Variants in NDUFAF2 observed in about 807,000 individuals in gnomAD.
NDUFAF2 encodes the protein NADH:ubiquinone oxidoreductase complex assembly factor 2.
Under a neutral mutation model 22.8 loss-of-function variants are expected in NDUFAF2, and 13 were observed. The observed-to-expected ratio is 0.57, with a 90% CI of 0.37 to 0.91. The LOEUF (loss-of-function observed/expected upper bound fraction) is 0.91, where lower values mean the gene tolerates loss of function less well. Among genes scored for constraint, NDUFAF2 ranks in the 40% least tolerant of loss-of-function variants. NDUFAF2 has a pLI of 0.01. For synonymous variants in NDUFAF2, 53 were observed against 64.2 expected (o/e 0.83, Z 0.84); for missense variants, 162 against 195.2 (o/e 0.83, Z 1.01).
chr5:61,028,394 A>G (rs1224086086), intron 1 of NDUFAF2, among the ~76,000 whole-genome samples: 2 of 152,076 alleles, frequency 1.3e-5, no homozygotes, highest in African/African-American at 4.8e-5. Flanking sequence ...ATATTCATAT[A>G]CAGATACAAA....
chr5:61,097,797 T>G (rs994936616), intron 2 of NDUFAF2, among the ~76,000 whole-genome samples: 1 of 152,214 alleles, frequency 6.6e-6, no homozygotes, highest in Non-Finnish European at 1.5e-5. Flanking sequence ...TTCATAAACT[T>G]TGAAAGACTG....
chr5:61,068,902 G>A (rs980643064), intron 1 of NDUFAF2, among the ~76,000 whole-genome samples: 19 of 152,124 alleles, frequency 1.2e-4, no homozygotes, highest in Non-Finnish European at 1.8e-4. Flanking sequence ...AGGATCTGGA[G>A]TCAAAAGACC....
intron 1 of NDUFAF2, among the ~76,000 whole-genome samples, chr5:60,999,765 T>A (rs1751274081): frequency 1.3e-5 from 2 of 152,096 alleles, no homozygotes; most frequent in Admixed American, 6.6e-5. Flanking sequence ...GTAGGATGAA[T>A]GCTGTCAATA....
At chr5:61,138,430 G>A (rs1178420194) in intron 3 of NDUFAF2, among the ~76,000 whole-genome samples, 4 of 152,190 alleles carry the variant, frequency 2.6e-5, no homozygotes, top group Non-Finnish European at 5.9e-5. Flanking sequence ...CGTAAGGGAA[G>A]GTGATTTAGC....
At chr5:60,960,818 A>G (rs1206223630) in intron 1 of NDUFAF2, among the ~76,000 whole-genome samples, 1 of 152,086 alleles carries the variant, frequency 6.6e-6, no homozygotes, top group Non-Finnish European at 1.5e-5. Context: ...TGGTGCCTCC[A>G]TCTTGTGGTC....
intron 1 of NDUFAF2, among the ~76,000 whole-genome samples, chr5:60,949,657 G>A (rs906340914): frequency 1.3e-4 from 20 of 152,292 alleles, no homozygotes; most frequent in African/African-American, 4.8e-4. Flanking sequence ...TGCTACTCAA[G>A]AGAGACAAAT....
At chr5:61,135,957 G>A (rs1740923036) in intron 3 of NDUFAF2, among the ~76,000 whole-genome samples, 1 of 141,486 alleles carries the variant, frequency 7.1e-6, no homozygotes, top group African/African-American at 2.7e-5. Flanking sequence ...TTTACAGTGT[G>A]GCACTTCAAC....
chr5:61,103,389 TC>T lies in NDUFAF2; in HGVS notation c.258+4358del, dbSNP rs547353629. 1.7e-4 allele frequency among the ~76,000 whole-genome samples: 26 copies of T among 152,216 alleles called. No individual in the cohort carries two copies. In the South Asian group the frequency reaches 4.1e-3, roughly 24 times the overall value. On this transcript the variant is annotated intron_variant, in intron 3 of 3. Transcript: ENST00000296597. ...CCTTTAAAATCCTTGGTTGTTTTCC[TC>T]ACCTTTTTTTCCCTCAACTTCTTAA...
intron 3 of NDUFAF2, among the ~76,000 whole-genome samples, chr5:61,106,341 G>A (rs1217732313): frequency 6.6e-6 from 1 of 151,384 alleles, no homozygotes; most frequent in African/African-American, 2.5e-5. Flanking sequence ...TATATTATAT[G>A]TGCTTCTTTC....
intron 3 of NDUFAF2, among the ~76,000 whole-genome samples, chr5:61,151,414 A>T (rs1037707190): frequency 6.6e-6 from 1 of 152,168 alleles, no homozygotes; most frequent in Non-Finnish European, 1.5e-5. Flanking sequence ...ACATATTCTT[A>T]AAAATTAGAT....
At chr5:61,137,071 A>G (rs1312957238) in intron 3 of NDUFAF2, among the ~76,000 whole-genome samples, 1 of 152,060 alleles carries the variant, frequency 6.6e-6, no homozygotes. Flanking sequence ...TTATCCCCTC[A>G]CTTTCTAGAC....
intron 1 of NDUFAF2, among the ~76,000 whole-genome samples, chr5:61,071,126 A>G (rs1228400352): frequency 6.6e-6 from 1 of 152,200 alleles, no homozygotes; most frequent in African/African-American, 2.4e-5. Flanking sequence ...ACATGTACAT[A>G]TATTGAACCT....
chr5:61,107,090 C>T (rs1006531940), intron 3 of NDUFAF2, among the ~76,000 whole-genome samples: 7 of 146,048 alleles, frequency 4.8e-5, no homozygotes, highest in African/African-American at 1.6e-4. Flanking sequence ...CACACACACA[C>T]ATATATGCCT....
intron 2 of NDUFAF2, among the ~76,000 whole-genome samples, chr5:61,087,261 G>A (rs905333883): frequency 6.6e-6 from 1 of 152,148 alleles, no homozygotes; most frequent in Non-Finnish European, 1.5e-5. Context: ...AGAAGCCCCA[G>A]AAAGAAGCTG....
At position 61,056,716 on chromosome 5, in the gene NDUFAF2, C is replaced by T. The variant is rs552950627; in HGVS notation, c.128-16409C>T. ...CAGCCTGGCCAACATGGTGAAACCC[C>T]GTCTCTACTAAAAATACAAACATTA... On this transcript the variant is annotated intron_variant, in intron 1 of 3. Coordinates refer to ENST00000296597, the MANE Select transcript of NDUFAF2 (RefSeq NM_174889.5). 1.3e-4 allele frequency among the ~76,000 whole-genome samples: 20 copies of T among 150,644 alleles called. No individual in the cohort carries two copies. In the South Asian group the frequency reaches 2.1e-3, roughly 16 times the overall value.
intron 1 of NDUFAF2, among the ~76,000 whole-genome samples, chr5:61,009,469 A>G (rs1398574524): frequency 2.6e-5 from 4 of 152,144 alleles, no homozygotes; most frequent in South Asian, 4.1e-4. Context: ...ATTTATAGCA[A>G]TGATACTTAG....
intron 1 of NDUFAF2, among the ~76,000 whole-genome samples, chr5:60,954,078 T>C (rs967031668): frequency 6.6e-6 from 1 of 152,150 alleles, no homozygotes; most frequent in Non-Finnish European, 1.5e-5. Flanking sequence ...GAGTGTTGGC[T>C]GTGTATTTTA....
At chr5:60,989,791 T>C (rs1163547042) in intron 1 of NDUFAF2, among the ~76,000 whole-genome samples, 2 of 152,036 alleles carry the variant, frequency 1.3e-5, no homozygotes, top group Non-Finnish European at 2.9e-5. Flanking sequence ...AAAATACCTA[T>C]CGGGTACTAT....
chr5:61,024,124 T>C (rs1751620833), intron 1 of NDUFAF2, among the ~76,000 whole-genome samples: 1 of 152,212 alleles, frequency 6.6e-6, no homozygotes. Context: ...CATATTGGCT[T>C]GGACTATACC....
Sources: allele counts gnomAD v4.1 joint callset (sites outside exome capture counted in the v4.1 genomes callset), GRCh38; gene constraint gnomAD v4.1.1; transcripts MANE v1.5; gene names NCBI Gene and HGNC (gene_info 2026-07-23, HGNC 2026-07-21).